Variants in MTCL1 observed in about 807,000 individuals in gnomAD.
The protein encoded by MTCL1 is microtubule cross-linking factor 1.
MTCL1 carries 79 observed loss-of-function variants against 141.4 expected under a neutral mutation model. The observed-to-expected ratio is 0.56, with a 90% CI of 0.47 to 0.67. MTCL1 has a LOEUF of 0.67. MTCL1 is among the 30% of genes least tolerant of loss of function. The pLI is 0.00. For synonymous variants in MTCL1, 914 were observed against 875.8 expected (o/e 1.04, Z -0.77); for missense variants, 2,177 against 2,113.9 (o/e 1.03, Z -0.59).
Position 8,826,099 on chromosome 18 carries a change from TGGCCCGGA to T in MTCL1, c.4590_4597del (p.Ala1531ProfsTer27). ...CCTGGCTACACGCTCACTGAGAACG[TGGCCCGGA>T]TCCTCAACAAGAAGCTGCTGGAACA... On this transcript the variant is annotated frameshift_variant, in exon 15 of 17. Transcript: ENST00000359865. LOFTEE classifies it high-confidence loss of function. 1 of 1,612,068 alleles carries T rather than the reference TGGCCCGGA, an allele frequency of 6.2e-7. No homozygotes were observed. The highest frequency in any genetic ancestry group is 1.3e-5 in the African/African-American group (1 of 75,028).
exon 6 of MTCL1, chr18:8,784,704 A>G (rs2096544930): frequency 1.2e-6 from 2 of 1,614,212 alleles, no homozygotes; most frequent in Non-Finnish European, 8.5e-7. Context: ...GCCTTCCTGG[A>G]GCAGGTGAAC....
chr18:8,828,836 ATTG>A lies in MTCL1; in HGVS notation c.4723-69_4723-67del. On this transcript the variant is annotated intron_variant, in intron 15 of 16. Transcript: ENST00000359865. The surrounding 1 kb of genome is among the most constrained non-coding windows in gnomAD (Gnocchi z 5.2). ...CCGGGCTTGCTGACTTTAAACCTTT[ATTG>A]TTCTCCTGTTTAAAAAACACTTTCC... is the stretch of plus-strand genomic sequence containing the variant. The A allele has an allele frequency of 5.6e-6, 9 of 1,610,834 alleles. No individual in the cohort carries two copies. Among genetic ancestry groups the A allele is most frequent in the Non-Finnish European group, 5.1e-6 (6 of 1,179,102 alleles).
chr18:8,765,992 C>T (rs2096457924), intron 4 of MTCL1, among the ~76,000 whole-genome samples: 1 of 152,214 alleles, frequency 6.6e-6, no homozygotes, highest in Non-Finnish European at 1.5e-5. Context: ...CACAATGCTG[C>T]CACAAGTCTG....
chr18:8,758,473 T>C (rs2096413907), intron 4 of MTCL1, among the ~76,000 whole-genome samples: 1 of 152,198 alleles, frequency 6.6e-6, no homozygotes, highest in Non-Finnish European at 1.5e-5. Flanking sequence ...GTCCTTCACC[T>C]GGGGTTTCCT....
chr18:8,706,306 C>A, exon 1 of MTCL1: 1 of 1,230,180 alleles, frequency 8.1e-7, no homozygotes, highest in Non-Finnish European at 1.0e-6. Context: ...CTCTGACTGC[C>A]CCTCCGAACC....
intron 4 of MTCL1, among the ~76,000 whole-genome samples, chr18:8,728,148 A>G (rs978627854): frequency 6.6e-6 from 1 of 152,166 alleles, no homozygotes; most frequent in African/African-American, 2.4e-5. Context: ...TCTTTTTAAA[A>G]TGACCTTTTA....
intron 1 of MTCL1, among the ~76,000 whole-genome samples, chr18:8,708,504 C>G (rs2096069790): frequency 6.6e-6 from 1 of 152,144 alleles, no homozygotes; most frequent in Non-Finnish European, 1.5e-5. Context: ...TGCTGAGAAC[C>G]TAAAACAGAA....
At chr18:8,826,547 T>G (rs1384473837) in intron 15 of MTCL1, among the ~76,000 whole-genome samples, 2 of 152,240 alleles carry the variant, frequency 1.3e-5, no homozygotes, top group Non-Finnish European at 2.9e-5. Context: ...TCAGTTTGCC[T>G]TCTTTCTGTG....
chr18:8,707,015 G>C (rs1191801691), intron 1 of MTCL1: 5 of 331,378 alleles, frequency 1.5e-5, no homozygotes, highest in Non-Finnish European at 2.7e-5. Flanking sequence ...GGCTGTAATC[G>C]TTTTGGGGAC....
At chr18:8,755,149 T>A (rs920445245) in intron 4 of MTCL1, among the ~76,000 whole-genome samples, 4 of 152,222 alleles carry the variant, frequency 2.6e-5, no homozygotes, top group African/African-American at 9.6e-5. Flanking sequence ...AATGGTAACT[T>A]CTTAATGCAT....
intron 4 of MTCL1, among the ~76,000 whole-genome samples, chr18:8,755,082 C>T (rs78440631): frequency 0.027 from 4,096 of 152,270 alleles, 92 homozygotes; most frequent in Non-Finnish European, 0.036. Flanking sequence ...TGAGTAACAC[C>T]GCCTGTTGCA....
At position 8,813,838 on chromosome 18, in the gene MTCL1, G is replaced by T. The variant is rs531516872; in HGVS notation, c.2859+605G>T. ...CTCAGATGAATTTGGGGAGGAGGGGGGTAGTCATTTTTCTGCCAATATAAC... is the reference window on the plus strand; with the variant it reads ...CTCAGATGAATTTGGGGAGGAGGGGTGTAGTCATTTTTCTGCCAATATAAC... On this transcript the variant is annotated intron_variant, in intron 12 of 16. Transcript: ENST00000359865. Among the ~76,000 whole-genome samples the T allele has an allele frequency of 3.3e-5, 5 of 152,190 alleles. No homozygotes were observed. The East Asian group carries it at 9.7e-4, about 29-fold the overall frequency.
chr18:8,705,621 G>A (rs2096056342), upstream of MTCL1: 23 of 1,166,348 alleles, frequency 2.0e-5, no homozygotes, highest in Non-Finnish European at 2.4e-5. This position sits in a 1 kb window ranked among gnomAD's most constrained non-coding sequence, Gnocchi z 5.2. Flanking sequence ...GTCGTCGTCC[G>A]GAGCATCTGC....
At chr18:8,728,762 G>A (rs1417063039) in intron 4 of MTCL1, among the ~76,000 whole-genome samples, 9 of 53,054 alleles carry the variant, frequency 1.7e-4, no homozygotes, top group Middle Eastern at 0.03. Flanking sequence ...ACGGAGTCTC[G>A]CTCTGTCGCC....
At chr18:8,819,638 C>T (rs989231960) in intron 13 of MTCL1, among the ~76,000 whole-genome samples, 1 of 152,120 alleles carries the variant, frequency 6.6e-6, no homozygotes, top group Non-Finnish European at 1.5e-5. Context: ...AGGTCTCACT[C>T]TCTTGCCCAG....
Position 8,819,269 on chromosome 18 carries a change from G to A in MTCL1, c.3156+10G>A. 2.5e-6 allele frequency: 4 copies of A among 1,613,324 alleles called. No individual in the cohort carries two copies. Among genetic ancestry groups the A allele is most frequent in the Non-Finnish European group, 1.7e-6 (2 of 1,179,634 alleles). On this transcript the variant is annotated intron_variant, in intron 13 of 16. Transcript: ENST00000359865. ...GAACCGCCTCCCTGAGGTCAGCCAG[G>A]TTTTGTCCATCCTAGTTAACCACTG...
exon 6 of MTCL1, chr18:8,784,069 G>T (rs1294557654): frequency 1.9e-6 from 3 of 1,613,412 alleles, no homozygotes; most frequent in Non-Finnish European, 2.5e-6. Context: ...AGCCGGGCTG[G>T]CTAGGAGAGG....
upstream of MTCL1, among the ~76,000 whole-genome samples, chr18:8,714,504 A>T (rs1598362842): frequency 2.0e-5 from 3 of 152,358 alleles, no homozygotes; most frequent in South Asian, 6.2e-4. Flanking sequence ...TCACAGTTCC[A>T]CATGGCTGGG....
rs760718410 is a variant in MTCL1, at chr18:8,828,929, G to GC, written c.4749dup (p.Trp1584LeufsTer11). 9.3e-6 allele frequency: 15 copies of GC among 1,614,042 alleles called. No homozygotes were observed. The highest frequency in any genetic ancestry group is 1.3e-5 in the African/African-American group (1 of 74,922). On this transcript the variant is annotated frameshift_variant, in exon 16 of 17. Transcript: ENST00000359865. LOFTEE classifies it high-confidence loss of function. The surrounding 1 kb of genome is among the most constrained non-coding windows in gnomAD (Gnocchi z 5.2). Reference sequence around the variant, plus strand: ...CCAGAACCAAACTGTCTTGCTAACTGCCCCCTGGGGACTCTAGCCCTGCCC... The same window carrying GC: ...CCAGAACCAAACTGTCTTGCTAACTGCCCCCCTGGGGACTCTAGCCCTGCCC...
Sources: allele counts gnomAD v4.1 joint callset (sites outside exome capture counted in the v4.1 genomes callset), GRCh38; gene constraint gnomAD v4.1.1; non-coding constraint Gnocchi (gnomAD v3.1); transcripts MANE v1.5; gene names NCBI Gene and HGNC (gene_info 2026-07-23, HGNC 2026-07-21).